BICC1: variants seen among roughly 807,000 people sequenced by gnomAD.
BICC1 encodes BicC family RNA binding protein 1.
BICC1 carries 43 observed loss-of-function variants against 111.0 expected under a neutral mutation model. That is an observed-to-expected ratio of 0.39 (90% CI 0.30 to 0.50). The LOEUF (loss-of-function observed/expected upper bound fraction) is 0.50. Ranked by LOEUF, BICC1 falls within the 20% of genes least tolerant of loss-of-function variation. The pLI, the probability that BICC1 is intolerant of heterozygous loss-of-function variation, is 0.88. For missense variants in BICC1, 1,091 were observed against 1,203.2 expected, an observed-to-expected ratio of 0.91 and a Z score of 1.38; for synonymous variants, 467 against 434.4, an observed-to-expected ratio of 1.07 and a Z score of -0.93.
intron 3 of BICC1, among the ~76,000 whole-genome samples, chr10:58,740,383 G>C (rs891230075): frequency 3.3e-5 from 5 of 152,138 alleles, no homozygotes; most frequent in Non-Finnish European, 7.3e-5. Flanking sequence ...GCTGTTCCCT[G>C]AAACTCCTTT....
At chr10:58,533,819 C>T (rs1172421366) in intron 1 of BICC1, among the ~76,000 whole-genome samples, 2 of 151,662 alleles carry the variant, frequency 1.3e-5, no homozygotes, top group African/African-American at 4.8e-5. Flanking sequence ...CATGTCACTA[C>T]AGAAGAATCA....
rs1844133106 is a variant in BICC1, at chr10:58,817,586, A to G, written c.2558A>G (p.Asn853Ser). 1.2e-6 allele frequency: 2 copies of G among 1,613,554 alleles called. No homozygotes were observed. The highest frequency in any genetic ancestry group is 1.7e-6 in the Non-Finnish European group (2 of 1,179,604). ...KSTEHYLSSS[N>S]YMDCISSLTG... ...GCGGAACACTATCTCAGCAGTAGCA[A>G]TTACATGGACTGCATTTCCTCGCTG... Residue 853 changes from asparagine (N) to serine (S), a missense_variant, in exon 19 of 21, where the codon AAT (asparagine) becomes AGT (serine). Asn to Ser is a conservative substitution (Grantham distance 46). Around this residue, in one of 3 missense-constraint regions of BICC1, gnomAD observed 231 missense variants for 256.2 expected, o/e 0.90. Transcript: ENST00000373886.
intron 3 of BICC1, among the ~76,000 whole-genome samples, chr10:58,714,472 T>C (rs983285596): frequency 1.2e-4 from 19 of 152,230 alleles, no homozygotes; most frequent in African/African-American, 4.6e-4. Context: ...ACTGTTTGTT[T>C]ATTCTCCATG....
chr10:58,628,977 G>A (rs1021097511), intron 2 of BICC1, among the ~76,000 whole-genome samples: 1 of 152,204 alleles, frequency 6.6e-6, no homozygotes, highest in Admixed American at 6.5e-5. Context: ...AGACAATGTG[G>A]CAGATGTGGT....
At chr10:58,784,214 C>T (rs1337580776) in intron 3 of BICC1, among the ~76,000 whole-genome samples, 1 of 152,002 alleles carries the variant, frequency 6.6e-6, no homozygotes, top group Non-Finnish European at 1.5e-5. Flanking sequence ...GAGCCAAGTT[C>T]TTTGTGGACA....
chr10:58,774,747 C>A (rs1185044152), intron 3 of BICC1, among the ~76,000 whole-genome samples: 3 of 152,120 alleles, frequency 2.0e-5, no homozygotes, highest in Non-Finnish European at 1.5e-5. Flanking sequence ...CTGTATCCTT[C>A]TTGGGCTTGA....
intron 2 of BICC1, among the ~76,000 whole-genome samples, chr10:58,682,950 C>T (rs1839585300): frequency 6.6e-6 from 1 of 152,134 alleles, no homozygotes; most frequent in South Asian, 2.1e-4. Flanking sequence ...GTCATGAAGT[C>T]CTTGCCCATG....
At chr10:58,636,924 CT>C (rs1837969505) in intron 2 of BICC1, among the ~76,000 whole-genome samples, 1 of 151,624 alleles carries the variant, frequency 6.6e-6, no homozygotes, top group African/African-American at 2.4e-5. Flanking sequence ...AGAGAAGACC[CT>C]TTCATTCTAG....
At chr10:58,658,025 G>GTAT (rs1564536287) in intron 2 of BICC1, among the ~76,000 whole-genome samples, 1 of 152,144 alleles carries the variant, frequency 6.6e-6, no homozygotes. Flanking sequence ...TCCACTAGTG[G>GTAT]TAACTGTGAT....
chr10:58,715,481 G>A (rs772534810), intron 3 of BICC1: 30 of 856,316 alleles, frequency 3.5e-5, no homozygotes, highest in Non-Finnish European at 5.1e-5. Context: ...AAGAGGACCT[G>A]TGGCAGGCCC....
At chr10:58,540,512 C>T (rs1842935884) in intron 1 of BICC1, among the ~76,000 whole-genome samples, 1 of 151,826 alleles carries the variant, frequency 6.6e-6, no homozygotes, top group Admixed American at 6.6e-5. Context: ...AATTATATAA[C>T]CTTGAAGAAA....
At chr10:58,664,661 G>C (rs1838952641) in intron 2 of BICC1, among the ~76,000 whole-genome samples, 1 of 149,954 alleles carries the variant, frequency 6.7e-6, no homozygotes, top group Non-Finnish European at 1.5e-5. Context: ...TATTTCATTT[G>C]ACTATGCTAT....
chr10:58,750,791 TTG>T (rs1841968508), intron 3 of BICC1, among the ~76,000 whole-genome samples: 1 of 152,204 alleles, frequency 6.6e-6, no homozygotes, highest in Admixed American at 6.6e-5. Context: ...AGCTTGTTAA[TTG>T]TGACTTAATG....
rs1844132218 is a variant in BICC1 at position 58,817,554 on chromosome 10, C to T, written c.2534-8C>T. On this transcript the variant is annotated splice_region_variant and splice_polypyrimidine_tract_variant and intron_variant, in intron 18 of 20. Coordinates refer to ENST00000373886, the MANE Select transcript of BICC1 (RefSeq NM_001080512.3). Reference sequence around the variant, plus strand: ...ACACTTCAAGCCTGTCTCTCCTTTGCCTTTCAGCGGAACACTATCTCAGCA... The same window carrying T: ...ACACTTCAAGCCTGTCTCTCCTTTGTCTTTCAGCGGAACACTATCTCAGCA... The T allele has an allele frequency of 6.2e-7, 1 of 1,613,152 alleles. No individual in the cohort carries two copies. The highest frequency in any genetic ancestry group is 1.3e-5 in the African/African-American group (1 of 74,872).
At chr10:58,733,881 G>C (rs1027054974) in intron 3 of BICC1, among the ~76,000 whole-genome samples, 2 of 152,104 alleles carry the variant, frequency 1.3e-5, no homozygotes, top group African/African-American at 4.8e-5. Flanking sequence ...TGTTGTCCTG[G>C]GTCAGCCAGT....
chr10:58,613,976 TTTTTAAATGAGCA>T (rs1845520747), intron 1 of BICC1, among the ~76,000 whole-genome samples: 1 of 152,236 alleles, frequency 6.6e-6, no homozygotes, highest in Non-Finnish European at 1.5e-5. Flanking sequence ...TATCTTATTT[TTTTTAAATGAGCA>T]TTTTAAATGC....
intron 1 of BICC1, among the ~76,000 whole-genome samples, chr10:58,613,644 G>C (rs1402383858): frequency 1.3e-5 from 2 of 152,216 alleles, no homozygotes; most frequent in Non-Finnish European, 2.9e-5. Context: ...TCCAGCTCCA[G>C]TGTTGGGTTC....
intron 2 of BICC1, among the ~76,000 whole-genome samples, chr10:58,693,966 G>A (rs531670427): frequency 6.6e-6 from 1 of 152,252 alleles, no homozygotes; most frequent in Admixed American, 6.5e-5. Context: ...TACTGGCTAG[G>A]TTTTCTTCTA....
At chr10:58,529,358 C>T (rs926228531) in intron 1 of BICC1, among the ~76,000 whole-genome samples, 1 of 151,802 alleles carries the variant, frequency 6.6e-6, no homozygotes, top group Admixed American at 6.6e-5. Flanking sequence ...GTCCAGATTT[C>T]AAGTATTTTC....
Sources: gnomAD v4.1 joint callset for allele counts (sites outside exome capture counted in the v4.1 genomes callset) on GRCh38, gnomAD v4.1.1 for gene constraint, gnomAD v4.1.1 regional missense constraint, MANE v1.5 for transcripts, NCBI Gene and HGNC (gene_info 2026-07-23, HGNC 2026-07-21) for gene names.